The following PRKCA variants were observed in gnomAD, a reference collection of about 807,000 sequenced individuals.
PRKCA encodes protein kinase C alpha.
A neutral mutation model predicts 87.0 loss-of-function variants in PRKCA; 27 were observed. That is an observed-to-expected ratio of 0.31 (90% CI 0.23 to 0.43). The LOEUF is 0.43. PRKCA is among the 20% of genes least tolerant of loss of function. PRKCA has a pLI of 1.00. For synonymous variants in PRKCA, 329 were observed against 311.1 expected, an observed-to-expected ratio of 1.06 and a Z score of -0.61; for missense variants, 518 against 852.3, an observed-to-expected ratio of 0.61 and a Z score of 4.88.
At chr17:66,384,314 T>A (rs1291339280) in intron 2 of PRKCA, among the ~76,000 whole-genome samples, 1 of 152,216 alleles carries the variant, frequency 6.6e-6, no homozygotes, top group East Asian at 1.9e-4. Flanking sequence ...CCTCCAATTA[T>A]ATCACTTTTT....
Position 66,510,276 on chromosome 17 carries a change from C to CG in PRKCA, c.288+13999dup, listed in dbSNP as rs988875758. Among the ~76,000 whole-genome samples the CG allele has an allele frequency of 1.2e-4, 18 of 152,178 alleles. 1 individual carries two copies. The East Asian group carries it at 3.1e-3, about 26-fold the overall frequency. On this transcript the variant is annotated intron_variant, in intron 3 of 16. Coordinates refer to ENST00000413366, the MANE Select transcript of PRKCA (RefSeq NM_002737.3). Reference sequence around the variant, plus strand: ...ATCTTTAGAAAGAGAATTTTGTTTTCGGGGGGAAAAGGTTTTTTGTGTTGA... The same window carrying CG: ...ATCTTTAGAAAGAGAATTTTGTTTTCGGGGGGGAAAAGGTTTTTTGTGTTGA...
Position 66,787,048 on chromosome 17 carries a change from T to C in PRKCA, c.1713+74T>C, listed in dbSNP as rs7218270. 7.6e-3 allele frequency: 8,654 copies of C among 1,137,694 alleles called. 287 individuals are homozygous for C. In the African/African-American group the frequency reaches 0.09, roughly 12 times the overall value. 70.5% of individuals were successfully genotyped at this position (1,137,694 alleles called of 1,614,324 possible). A position where few individuals can be genotyped will look rare whatever the true frequency, so the allele number is the denominator to read the frequency against. ...AGGAGAAATACTTTCCCCACACTTC[T>C]AAGAGAGATGGCAGAAACACCACAA... On this transcript the variant is annotated intron_variant, in intron 15 of 16. Transcript: ENST00000413366.
chr17:66,443,204 G>A (rs147580891), intron 2 of PRKCA, among the ~76,000 whole-genome samples: 1 of 152,304 alleles, frequency 6.6e-6, no homozygotes, highest in African/African-American at 2.4e-5. Flanking sequence ...TTGATGCTGG[G>A]ACTGCTCTTT....
At chr17:66,304,593 T>C (rs1416770322) in intron 1 of PRKCA, among the ~76,000 whole-genome samples, 1 of 152,144 alleles carries the variant, frequency 6.6e-6, no homozygotes, top group Non-Finnish European at 1.5e-5. Context: ...AGGGTGAGCA[T>C]AGTATGGATG....
intron 2 of PRKCA, among the ~76,000 whole-genome samples, chr17:66,459,026 G>C (rs1258847476): frequency 6.6e-6 from 1 of 152,070 alleles, no homozygotes; most frequent in Non-Finnish European, 1.5e-5. Flanking sequence ...TGAAGTAATG[G>C]AGTTGGGATT....
intron 2 of PRKCA, among the ~76,000 whole-genome samples, chr17:66,434,731 G>A (rs957892942): frequency 1.2e-4 from 19 of 152,244 alleles, no homozygotes; most frequent in African/African-American, 4.6e-4. Context: ...TTAGCTGCAT[G>A]GCCTAGACAG....
At chr17:66,636,988 A>G (rs899684366) in intron 3 of PRKCA, among the ~76,000 whole-genome samples, 3 of 152,064 alleles carry the variant, frequency 2.0e-5, no homozygotes, top group Non-Finnish European at 4.4e-5. Context: ...TGTAATTCAT[A>G]GGCAGGATCT....
chr17:66,660,616 G>A (rs555814066), intron 5 of PRKCA, among the ~76,000 whole-genome samples: 3 of 152,266 alleles, frequency 2.0e-5, no homozygotes, highest in East Asian at 1.9e-4. Context: ...CCGGCCGGGC[G>A]CGATGGCTCA....
chr17:66,432,217 T>C (rs1183387442), intron 2 of PRKCA, among the ~76,000 whole-genome samples: 1 of 152,102 alleles, frequency 6.6e-6, no homozygotes, highest in Admixed American at 6.5e-5. Context: ...CTGGTCAGGC[T>C]TTGAGAGGTG....
At chr17:66,772,621 G>A (rs1472250066) in intron 13 of PRKCA, among the ~76,000 whole-genome samples, 1 of 152,130 alleles carries the variant, frequency 6.6e-6, no homozygotes, top group African/African-American at 2.4e-5. Context: ...ATGGGTCTGG[G>A]AATTGTGTGC....
At chr17:66,344,167 A>C (rs1234224203) in intron 2 of PRKCA, among the ~76,000 whole-genome samples, 1 of 152,194 alleles carries the variant, frequency 6.6e-6, no homozygotes, top group African/African-American at 2.4e-5. Context: ...GATGAATGGA[A>C]ATTTCCTATT....
chr17:66,763,428 CA>C (rs1974729527), intron 13 of PRKCA, among the ~76,000 whole-genome samples: 1 of 152,178 alleles, frequency 6.6e-6, no homozygotes, highest in Non-Finnish European at 1.5e-5. Flanking sequence ...TCAGAACACC[CA>C]GAAAACGTTC....
chr17:66,407,344 C>G (rs1337290584), intron 2 of PRKCA, among the ~76,000 whole-genome samples: 1 of 151,936 alleles, frequency 6.6e-6, no homozygotes, highest in East Asian at 1.9e-4. Flanking sequence ...TCTCGGGGAT[C>G]TGGTGGTTTA....
intron 2 of PRKCA, among the ~76,000 whole-genome samples, chr17:66,376,679 T>C (rs1909435224): frequency 6.6e-6 from 1 of 151,884 alleles, no homozygotes; most frequent in Non-Finnish European, 1.5e-5. Context: ...CCAGCTCTCA[T>C]CCCCTGGCCC....
chr17:66,452,853 G>A (rs1433379220), intron 2 of PRKCA, among the ~76,000 whole-genome samples: 1 of 152,206 alleles, frequency 6.6e-6, no homozygotes, highest in African/African-American at 2.4e-5. Flanking sequence ...GACAGAGCGA[G>A]ACTCCGTCTC....
At chr17:66,760,213 C>T (rs1308117538) in intron 13 of PRKCA, among the ~76,000 whole-genome samples, 2 of 152,188 alleles carry the variant, frequency 1.3e-5, no homozygotes, top group African/African-American at 4.8e-5. Context: ...AGTGTCTTCT[C>T]TCAGACCACA....
chr17:66,651,011 C>T (rs1341434704), intron 5 of PRKCA, among the ~76,000 whole-genome samples: 4 of 152,076 alleles, frequency 2.6e-5, no homozygotes, highest in Non-Finnish European at 2.9e-5. Context: ...AAAGAATTGG[C>T]GGGTGCTGTA....
chr17:66,514,635 T>G (rs1293073710), intron 3 of PRKCA, among the ~76,000 whole-genome samples: 1 of 152,104 alleles, frequency 6.6e-6, no homozygotes, highest in Admixed American at 6.5e-5. Context: ...TCTTGTCTTG[T>G]AGGCTTCTTT....
intron 3 of PRKCA, among the ~76,000 whole-genome samples, chr17:66,625,905 T>A (rs1970840786): frequency 6.6e-6 from 1 of 152,230 alleles, no homozygotes; most frequent in African/African-American, 2.4e-5. Context: ...AGACTCTCCT[T>A]TGACTCTCCA....
Sources: gnomAD v4.1 joint callset for allele counts (sites outside exome capture counted in the v4.1 genomes callset) on GRCh38, gnomAD v4.1.1 for gene constraint, MANE v1.5 for transcripts, NCBI Gene and HGNC (gene_info 2026-07-23, HGNC 2026-07-21) for gene names.